Variants in FYB1 observed in about 807,000 individuals in gnomAD.
The protein encoded by FYB1 is FYN binding protein 1, also known as FYN-binding protein 1.
In FYB1, 41 loss-of-function variants were observed where a neutral mutation model predicts 94.1. The observed-to-expected ratio is 0.44, with a 90% CI of 0.34 to 0.57. The LOEUF is 0.57. Ranked by LOEUF, FYB1 falls within the 20% of genes least tolerant of loss-of-function variation. FYB1 has a pLI of 0.02. For missense variants in FYB1, 1,050 were observed against 976.8 expected (o/e 1.07, Z -1.00); for synonymous variants, 367 against 353.2 (o/e 1.04, Z -0.44).
chr5:39,239,188 A>G (rs1268673576), intron 1 of FYB1, among the ~76,000 whole-genome samples: 5 of 152,188 alleles, frequency 3.3e-5, no homozygotes, highest in Admixed American at 6.6e-5. Flanking sequence ...ATCTATGGCC[A>G]GCCCACAGCC....
At chr5:39,117,678 C>T (rs1485591578) in intron 16 of FYB1, among the ~76,000 whole-genome samples, 2 of 152,140 alleles carry the variant, frequency 1.3e-5, no homozygotes, top group African/African-American at 4.8e-5. Flanking sequence ...CATTTCAATT[C>T]CTGTCCCTGA....
At chr5:39,241,379 C>A (rs144326973) in intron 1 of FYB1, among the ~76,000 whole-genome samples, 1 of 152,244 alleles carries the variant, frequency 6.6e-6, no homozygotes, top group Admixed American at 6.5e-5. Flanking sequence ...ACCTATGAGT[C>A]TGGTCCATGG....
intron 1 of FYB1, among the ~76,000 whole-genome samples, chr5:39,228,847 G>A (rs907086591): frequency 2.6e-5 from 4 of 152,142 alleles, no homozygotes; most frequent in African/African-American, 9.7e-5. Flanking sequence ...GGTTCTGAGA[G>A]CTAATAAATT....
intron 1 of FYB1, among the ~76,000 whole-genome samples, chr5:39,273,925 C>CA (rs1561324146): frequency 1.4e-5 from 2 of 146,848 alleles, no homozygotes; most frequent in African/African-American, 5.0e-5. Flanking sequence ...ATCTATTATG[C>CA]TTTTTTTTTT....
chr5:39,271,288 A>G (rs1271612204), intron 1 of FYB1, among the ~76,000 whole-genome samples: 3 of 152,186 alleles, frequency 2.0e-5, no homozygotes, highest in Admixed American at 2.0e-4. Context: ...TTTTGGGGTA[A>G]TATTTGTTAG....
At chr5:39,124,195 C>T in intron 13 of FYB1, 58 bp downstream of exon 13, 1 of 1,172,894 alleles carries the variant, frequency 8.5e-7, no homozygotes, top group South Asian at 1.4e-5. Flanking sequence ...AGAGCTTTCC[C>T]ACTACCACAC....
intron 1 of FYB1, among the ~76,000 whole-genome samples, chr5:39,218,012 AGCATT>A (rs1750005165): frequency 6.6e-6 from 1 of 152,342 alleles, no homozygotes; most frequent in Middle Eastern, 3.4e-3. Context: ...GGCAAGGTGC[AGCATT>A]GCACCAGAAA....
intron 2 of FYB1, among the ~76,000 whole-genome samples, chr5:39,184,948 AG>A (rs1746611586): frequency 6.6e-6 from 1 of 152,218 alleles, no homozygotes; most frequent in Non-Finnish European, 1.5e-5. Context: ...GACATCCTTC[AG>A]CATCAATATA....
At chr5:39,257,798 T>C (rs1398511457) in intron 1 of FYB1, among the ~76,000 whole-genome samples, 6 of 149,814 alleles carry the variant, frequency 4.0e-5, no homozygotes, top group African/African-American at 1.2e-4. Flanking sequence ...TTTCAATCAT[T>C]TGGAGACTAA....
chr5:39,252,646 A>G (rs1384389411), intron 1 of FYB1, among the ~76,000 whole-genome samples: 1 of 152,180 alleles, frequency 6.6e-6, no homozygotes, highest in African/African-American at 2.4e-5. Flanking sequence ...AGACATGCAA[A>G]CTCATACTAA....
At chr5:39,242,556 T>C (rs1751263091) in intron 1 of FYB1, among the ~76,000 whole-genome samples, 2 of 152,108 alleles carry the variant, frequency 1.3e-5, no homozygotes, top group South Asian at 4.1e-4. Flanking sequence ...ACATTTGGGT[T>C]GGTTCCAAGT....
At chr5:39,196,900 T>C (rs1174819394) in intron 2 of FYB1, among the ~76,000 whole-genome samples, 1 of 152,246 alleles carries the variant, frequency 6.6e-6, no homozygotes, top group African/African-American at 2.4e-5. Context: ...AGAATTCCTA[T>C]TCATGGCTTG....
At chr5:39,156,077 A>C (rs1428836103) in intron 2 of FYB1, among the ~76,000 whole-genome samples, 1 of 152,112 alleles carries the variant, frequency 6.6e-6, no homozygotes, top group African/African-American at 2.4e-5. Flanking sequence ...CCTCTCATGG[A>C]AAAGATTTTG....
At chr5:39,195,491 A>G (rs1313521550) in intron 2 of FYB1, among the ~76,000 whole-genome samples, 5 of 152,212 alleles carry the variant, frequency 3.3e-5, no homozygotes, top group Non-Finnish European at 5.9e-5. Flanking sequence ...TAGCCCAGGC[A>G]CCTTTTGGTT....
intron 10 of FYB1, among the ~76,000 whole-genome samples, chr5:39,128,261 G>A (rs4957301): frequency 0.43 from 64,916 of 151,914 alleles, 16,722 homozygotes; most frequent in African/African-American, 0.72. Context: ...GAAGTGAAAA[G>A]TGACTTTTAA....
intron 16 of FYB1, among the ~76,000 whole-genome samples, chr5:39,114,234 A>G (rs1739325687): frequency 6.6e-6 from 1 of 152,156 alleles, no homozygotes; most frequent in South Asian, 2.1e-4. Context: ...GGGAAAACTC[A>G]CAGCTTATGA....
chr5:39,226,859 G>T (rs758939424), intron 1 of FYB1, among the ~76,000 whole-genome samples: 22 of 152,192 alleles, frequency 1.4e-4, no homozygotes, highest in Non-Finnish European at 2.5e-4. Context: ...AGAGTTTAGT[G>T]CAGCATCAGG....
At chr5:39,139,357 A>G in intron 4 of FYB1, 105 bp from the exon 5 acceptor site, 2 of 947,808 alleles carry the variant, frequency 2.1e-6, no homozygotes, top group Non-Finnish European at 1.5e-6. Context: ...TTCATAATCT[A>G]ACAGAACTTA....
chr5:39,121,202 A>AG (rs1740064117), intron 14 of FYB1, among the ~76,000 whole-genome samples: 1 of 151,184 alleles, frequency 6.6e-6, no homozygotes, highest in African/African-American at 2.4e-5. Flanking sequence ...AAAAAAAAAA[A>AG]AAAGCATTAA....
Sources: gnomAD v4.1 joint callset for allele counts (sites outside exome capture counted in the v4.1 genomes callset) on GRCh38, gnomAD v4.1.1 for gene constraint, MANE v1.5 for transcripts, NCBI Gene and HGNC (gene_info 2026-07-23, HGNC 2026-07-21) for gene names.